Variants in GPR107 observed in about 807,000 individuals in gnomAD.
GPR107 encodes G protein-coupled receptor 107.
In GPR107, 31 loss-of-function variants were observed where a neutral mutation model predicts 75.5. The observed-to-expected ratio is 0.41, with a 90% CI of 0.31 to 0.55. The LOEUF (loss-of-function observed/expected upper bound fraction) is 0.55, where lower values mean the gene tolerates loss of function less well. GPR107 is among the 20% of genes least tolerant of loss of function. The pLI, the probability that GPR107 is intolerant of heterozygous loss-of-function variation, is 0.26. For missense variants in GPR107, 572 were observed against 665.7 expected, an observed-to-expected ratio of 0.86 and a Z score of 1.55; for synonymous variants, 267 against 251.3, an observed-to-expected ratio of 1.06 and a Z score of -0.59.
At chr9:130,134,775 A>G (rs1831910134) in intron 17 of GPR107, among the ~76,000 whole-genome samples, 2 of 152,258 alleles carry the variant, frequency 1.3e-5, no homozygotes, top group South Asian at 4.1e-4. Flanking sequence ...TTTATTGATT[A>G]GGCACTCTGG....
intron 9 of GPR107, among the ~76,000 whole-genome samples, chr9:130,097,595 A>G (rs1307417787): frequency 1.3e-5 from 2 of 152,074 alleles, no homozygotes; most frequent in South Asian, 4.1e-4. Flanking sequence ...TGCCAATCTG[A>G]TAGGTGTAAA....
At chr9:130,082,750 A>T (rs1421493680) in intron 5 of GPR107, among the ~76,000 whole-genome samples, 1 of 152,074 alleles carries the variant, frequency 6.6e-6, no homozygotes, top group East Asian at 1.9e-4. Flanking sequence ...AAGTGCTGGG[A>T]TTATAGGCAT....
At chr9:130,115,136 C>CAA (rs59878209) in intron 14 of GPR107, among the ~76,000 whole-genome samples, 6,143 of 152,158 alleles carry the variant, frequency 0.04, 406 homozygotes, top group African/African-American at 0.14. Flanking sequence ...TGGTTTTTAT[C>CAA]CCTTTGGGGA....
chr9:130,079,651 A>G lies in GPR107; in HGVS notation c.408A>G (p.Pro136=), dbSNP rs1564665371. 6.2e-7 allele frequency: 1 copy of G among 1,613,696 alleles called. No individual in the cohort carries two copies. Among genetic ancestry groups the G allele is most frequent in the Non-Finnish European group, 8.5e-7 (1 of 1,179,656 alleles). The stretch of plus-strand genomic sequence containing the variant: ...GTAGGGTAAGAGTAAAGTCTCCACC[A>G]GAAGCTGGTACCCAGTTACCAAAGA... ...SRSEVRVKSP[P]EAGTQLPKII... The change falls in exon 5 of 18, where the codon CCA becomes CCG. Residue 136 remains proline (P), a synonymous_variant. Coordinates refer to ENST00000347136, the MANE Select transcript of GPR107 (RefSeq NM_020960.5).
chr9:130,110,337 C>T (rs780972296), intron 14 of GPR107: 1 of 1,352,948 alleles, frequency 7.4e-7, no homozygotes, highest in Non-Finnish European at 1.0e-6. Flanking sequence ...ATGGCCTGGG[C>T]ACACAAGGCA....
chr9:130,093,149 A>C (rs78126932), intron 9 of GPR107, among the ~76,000 whole-genome samples: 1,819 of 152,182 alleles, frequency 0.012, 23 homozygotes, highest in Non-Finnish European at 0.02. Flanking sequence ...CTCTGCATTG[A>C]CTTCCAGATA....
intron 1 of GPR107, among the ~76,000 whole-genome samples, chr9:130,069,448 T>C (rs1215240472): frequency 6.6e-6 from 1 of 152,196 alleles, no homozygotes; most frequent in African/African-American, 2.4e-5. Flanking sequence ...GGTAGCTGTA[T>C]CTCCATTGCT....
chr9:130,111,165 C>G (rs1232064618), intron 14 of GPR107, among the ~76,000 whole-genome samples: 6 of 151,842 alleles, frequency 4.0e-5, no homozygotes, highest in Non-Finnish European at 8.8e-5. Context: ...CCACTTCGGG[C>G]TTAAGAATCT....
chr9:130,091,446 A>T (rs1242072028), intron 8 of GPR107, among the ~76,000 whole-genome samples: 2 of 150,794 alleles, frequency 1.3e-5, no homozygotes, highest in African/African-American at 4.9e-5. Flanking sequence ...GCATCACTGC[A>T]CTCCAGCCTG....
intron 9 of GPR107, among the ~76,000 whole-genome samples, chr9:130,095,079 T>G (rs1419066471): frequency 1.3e-5 from 2 of 152,222 alleles, no homozygotes; most frequent in Non-Finnish European, 2.9e-5. Context: ...AGACCTGATT[T>G]CAGGTGTGAA....
chr9:130,096,315 C>G (rs1176513828), intron 9 of GPR107, among the ~76,000 whole-genome samples: 2 of 151,908 alleles, frequency 1.3e-5, no homozygotes, highest in Non-Finnish European at 2.9e-5. Flanking sequence ...GGAAATGAGC[C>G]CAGAAACTGA....
At chr9:130,125,813 A>G (rs1831663141) in intron 15 of GPR107, among the ~76,000 whole-genome samples, 1 of 151,862 alleles carries the variant, frequency 6.6e-6, no homozygotes, top group Non-Finnish European at 1.5e-5. Context: ...ACTTTGGGAG[A>G]CCGAGGCGGG....
At chr9:130,099,287 C>G (rs990418937) in intron 9 of GPR107, among the ~76,000 whole-genome samples, 170 bp from the exon 10 acceptor site, 2 of 151,838 alleles carry the variant, frequency 1.3e-5, no homozygotes, top group Non-Finnish European at 2.9e-5. Context: ...TGTCCTCTAG[C>G]CTGGGCGACA....
chr9:130,063,412 A>T (rs549186666), intron 1 of GPR107, among the ~76,000 whole-genome samples: 1 of 152,172 alleles, frequency 6.6e-6, no homozygotes, highest in African/African-American at 2.4e-5. Context: ...GGATGGTCTC[A>T]ATCTCCTGAC....
chr9:130,055,800 C>T (rs528910592), intron 1 of GPR107, among the ~76,000 whole-genome samples: 91 of 151,506 alleles, frequency 6.0e-4, no homozygotes, highest in African/African-American at 2.0e-3. Flanking sequence ...AAATATTAGA[C>T]GGGCATGGTG....
rs558848964 is a variant in GPR107 at position 130,106,038 on chromosome 9, G to A, written c.1263-1458G>A. On this transcript the variant is annotated intron_variant, in intron 13 of 17. Coordinates refer to ENST00000347136, the MANE Select transcript of GPR107 (RefSeq NM_020960.5). Reference sequence around the variant, plus strand: ...ATTAGTCACTCGGGTATCTAACATAGGATGTCCAGCATTGTTTCCAGATCG... The same window carrying A: ...ATTAGTCACTCGGGTATCTAACATAAGATGTCCAGCATTGTTTCCAGATCG... 9.2e-5 allele frequency among the ~76,000 whole-genome samples: 14 copies of A among 152,230 alleles called. No individual in the cohort carries two copies. The South Asian group carries it at 2.9e-3, about 32-fold the overall frequency.
chr9:130,064,346 C>T (rs1400221868), intron 1 of GPR107, among the ~76,000 whole-genome samples: 17 of 150,300 alleles, frequency 1.1e-4, no homozygotes, highest in African/African-American at 2.7e-4. Context: ...TACAGGCGCC[C>T]GCCACCGCGC....
chr9:130,094,218 G>A (rs1395798440), intron 9 of GPR107, among the ~76,000 whole-genome samples: 2 of 152,188 alleles, frequency 1.3e-5, no homozygotes, highest in African/African-American at 4.8e-5. Flanking sequence ...GCCGAGGTGG[G>A]CGGATCATGA....
chr9:130,083,721 C>T, intron 6 of GPR107, 119 bp downstream of exon 6: 2 of 512,188 alleles, frequency 3.9e-6, no homozygotes, highest in South Asian at 1.2e-4. Context: ...CAGACACATA[C>T]ATATACAGTC....
Sources: allele counts gnomAD v4.1 joint callset (sites outside exome capture counted in the v4.1 genomes callset), GRCh38; gene constraint gnomAD v4.1.1; transcripts MANE v1.5; gene names NCBI Gene and HGNC (gene_info 2026-07-23, HGNC 2026-07-21).